Variants in ANK2 observed in about 807,000 individuals in gnomAD.
ANK2 encodes ankyrin-2.
A neutral mutation model predicts 360.5 loss-of-function variants in ANK2; 83 were observed. The observed-to-expected ratio is 0.23, with a 90% CI of 0.19 to 0.28. ANK2 has a LOEUF of 0.28. Ranked by LOEUF, ANK2 falls within the 10% of genes least tolerant of loss-of-function variation. The probability of loss-of-function intolerance (pLI) is 1.00; values close to 1 mark genes in which losing one functional copy is unlikely to be tolerated. For synonymous variants in ANK2, 1,740 were observed against 1,759.5 expected, an observed-to-expected ratio of 0.99 and a Z score of 0.28; for missense variants, 4,201 against 4,795.7, an observed-to-expected ratio of 0.88 and a Z score of 3.66.
chr4:113,133,345 G>A (rs1478866577), intron 1 of ANK2, among the ~76,000 whole-genome samples: 1 of 152,084 alleles, frequency 6.6e-6, no homozygotes, highest in African/African-American at 2.4e-5. Context: ...CTCTATACTC[G>A]ACTTTTTACA....
chr4:113,294,660 G>A (rs1375945201), intron 22 of ANK2, among the ~76,000 whole-genome samples: 1 of 152,184 alleles, frequency 6.6e-6, no homozygotes, highest in African/African-American at 2.4e-5. Context: ...ATTTATTAAT[G>A]AGCTGCAAGA....
chr4:113,219,505 C>A lies in ANK2; in HGVS notation c.385-12656C>A, dbSNP rs188527620. On this transcript the variant is annotated intron_variant, in intron 4 of 45. Transcript: ENST00000357077. The stretch of plus-strand genomic sequence containing the variant: ...ACTTAAATAAAAGCATTATACATTA[C>A]AAAAAACAATGAAGAAAAGCCTACT... Among the ~76,000 whole-genome samples, 1,388 of 143,720 alleles carry A rather than the reference C, an allele frequency of 9.7e-3. 19 individuals carry two copies. Among genetic ancestry groups the A allele is most frequent in the African/African-American group, 0.032 (1,325 of 40,936 alleles). The allele number at this position is 143,720 out of a possible 152,430, so 94.3% of individuals were successfully genotyped here.
chr4:113,176,818 C>G (rs1287437722), intron 2 of ANK2, among the ~76,000 whole-genome samples: 1 of 152,056 alleles, frequency 6.6e-6, no homozygotes, highest in African/African-American at 2.4e-5. Context: ...GTGTGATATT[C>G]CCTTTCCTGT....
chr4:112,796,400 G>T, the ANK2 span, among the ~76,000 whole-genome samples: 1 of 151,710 alleles, frequency 6.6e-6, no homozygotes, highest in African/African-American at 2.4e-5. Flanking sequence ...TCCAGCTTGG[G>T]CAACATGAGC....
At chr4:112,791,734 G>A in the ANK2 span, among the ~76,000 whole-genome samples, 47 of 151,750 alleles carry the variant, frequency 3.1e-4, no homozygotes, top group African/African-American at 1.1e-3. Flanking sequence ...CTTGTGATCC[G>A]CCCACCTCGG....
At chr4:112,811,654 C>A in the ANK2 span, among the ~76,000 whole-genome samples, 1 of 152,156 alleles carries the variant, frequency 6.6e-6, no homozygotes, top group South Asian at 2.1e-4. Context: ...TGTTGGCACC[C>A]ATTGCTGACT....
chr4:112,836,906 G>T (rs1303320793), intron 1 of ANK2, among the ~76,000 whole-genome samples: 1 of 152,180 alleles, frequency 6.6e-6, no homozygotes, highest in African/African-American at 2.4e-5. Context: ...AAAATTTGTT[G>T]CCTGACCATA....
intron 1 of ANK2, among the ~76,000 whole-genome samples, chr4:113,066,334 G>C (rs567658310): frequency 1.5e-4 from 23 of 152,184 alleles, no homozygotes; most frequent in African/African-American, 5.3e-4. Context: ...AGGGTTACTG[G>C]TGGGGTGCCT....
chr4:112,712,039 T>C, the ANK2 span, among the ~76,000 whole-genome samples: 16 of 147,830 alleles, frequency 1.1e-4, no homozygotes, highest in East Asian at 2.2e-3. Flanking sequence ...GTTACATACA[T>C]ACACACACAC....
intron 1 of ANK2, among the ~76,000 whole-genome samples, chr4:113,063,239 G>A (rs915913152): frequency 9.2e-5 from 14 of 151,972 alleles, no homozygotes; most frequent in Non-Finnish European, 2.9e-5. Context: ...TTAAATGATA[G>A]CATTTGGTTA....
At chr4:112,737,738 A>G in the ANK2 span, among the ~76,000 whole-genome samples, 1 of 152,348 alleles carries the variant, frequency 6.6e-6, no homozygotes, top group African/African-American at 2.4e-5. Context: ...CTCACCATAT[A>G]GATGACTTGG....
chr4:113,135,808 C>G (rs563499069), intron 1 of ANK2, among the ~76,000 whole-genome samples: 1 of 152,120 alleles, frequency 6.6e-6, no homozygotes, highest in East Asian at 1.9e-4. Flanking sequence ...GATTTGGTGC[C>G]TGGACCAAAA....
intron 4 of ANK2, chr4:113,214,528 C>G (rs996440015): frequency 1.7e-6 from 1 of 579,228 alleles, no homozygotes; most frequent in Admixed American, 2.9e-5. Context: ...TTATTAAGAG[C>G]CTGTTGCTTA....
intron 24 of ANK2, among the ~76,000 whole-genome samples, chr4:113,317,150 A>G (rs1408143080): frequency 6.6e-6 from 1 of 152,194 alleles, no homozygotes; most frequent in Non-Finnish European, 1.5e-5. Context: ...GCCACAGTTC[A>G]TTTCACTCTG....
chr4:112,735,829 CA>C, the ANK2 span, among the ~76,000 whole-genome samples: 365 of 152,272 alleles, frequency 2.4e-3, no homozygotes, highest in African/African-American at 7.9e-3. Flanking sequence ...ACTCACTGAA[CA>C]GCTCTCCATT....
At chr4:113,272,724 C>T (rs935627937) in intron 14 of ANK2, among the ~76,000 whole-genome samples, 1 of 152,064 alleles carries the variant, frequency 6.6e-6, no homozygotes, top group African/African-American at 2.4e-5. Flanking sequence ...CAATGATTGC[C>T]ACTTCTCAGC....
chr4:112,937,699 C>T (rs1172819359), intron 2 of ANK2, among the ~76,000 whole-genome samples: 1 of 152,170 alleles, frequency 6.6e-6, no homozygotes, highest in African/African-American at 2.4e-5. Flanking sequence ...CAGTTACATT[C>T]ATTATTGTTA....
At chr4:112,796,250 T>C in the ANK2 span, among the ~76,000 whole-genome samples, 1 of 151,880 alleles carries the variant, frequency 6.6e-6, no homozygotes, top group East Asian at 1.9e-4. Context: ...ATGGAGAAAC[T>C]CCATCTCTAC....
At chr4:113,256,668 A>C (rs1319298408) in intron 11 of ANK2, among the ~76,000 whole-genome samples, 2 of 152,202 alleles carry the variant, frequency 1.3e-5, no homozygotes, top group Non-Finnish European at 2.9e-5. Flanking sequence ...CCAAACTAAA[A>C]GTAAATCCTT....
Sources: gnomAD v4.1 joint callset for allele counts (sites outside exome capture counted in the v4.1 genomes callset) on GRCh38, gnomAD v4.1.1 for gene constraint, MANE v1.5 for transcripts, NCBI Gene and HGNC (gene_info 2026-07-23, HGNC 2026-07-21) for gene names.